Variants in DCC observed in about 807,000 individuals in gnomAD.
DCC encodes DCC netrin 1 receptor.
A neutral mutation model predicts 172.5 loss-of-function variants in DCC; 58 were observed. The observed-to-expected ratio is 0.34, with a 90% CI of 0.27 to 0.42. The LOEUF (loss-of-function observed/expected upper bound fraction) is 0.42, where lower values mean the gene tolerates loss of function less well. DCC is among the 10% of genes least tolerant of loss of function. The pLI is 1.00. For synonymous variants in DCC, 709 were observed against 644.5 expected (o/e 1.10, Z -1.52); for missense variants, 1,740 against 1,791.0 (o/e 0.97, Z 0.51).
chr18:53,058,243 A>G (rs1490185810), intron 5 of DCC, among the ~76,000 whole-genome samples: 3 of 152,174 alleles, frequency 2.0e-5, no homozygotes, highest in African/African-American at 4.8e-5. Context: ...AAGTAGAATT[A>G]GTTTAAGTAG....
At chr18:53,158,843 A>C (rs1158297183) in intron 8 of DCC, among the ~76,000 whole-genome samples, 2 of 151,840 alleles carry the variant, frequency 1.3e-5, no homozygotes, top group African/African-American at 4.8e-5. Context: ...AATACAAAAA[A>C]TTAGCTGGGC....
intron 1 of DCC, among the ~76,000 whole-genome samples, chr18:52,641,501 TCAAA>T (rs1328047392): frequency 6.6e-6 from 1 of 151,830 alleles, no homozygotes; most frequent in Non-Finnish European, 1.5e-5. Flanking sequence ...TACAATGAAC[TCAAA>T]CAAATCTGTA....
At chr18:53,149,992 A>G (rs2043974379) in intron 7 of DCC, among the ~76,000 whole-genome samples, 1 of 152,166 alleles carries the variant, frequency 6.6e-6, no homozygotes, top group Non-Finnish European at 1.5e-5. Context: ...TTTGCTTCTT[A>G]ATGAAAGCAT....
chr18:52,489,157 A>T (rs1011017892), intron 1 of DCC, among the ~76,000 whole-genome samples: 1 of 152,072 alleles, frequency 6.6e-6, no homozygotes, highest in Non-Finnish European at 1.5e-5. Context: ...TGATTCAGTA[A>T]GTTTGAGGTA....
intron 2 of DCC, among the ~76,000 whole-genome samples, chr18:52,804,971 T>C (rs2038060827): frequency 6.6e-6 from 1 of 152,076 alleles, no homozygotes; most frequent in Admixed American, 6.5e-5. Context: ...ACACAAACTT[T>C]ATATTTTCAT....
chr18:52,881,332 C>G (rs933473006), intron 2 of DCC, among the ~76,000 whole-genome samples: 12 of 151,754 alleles, frequency 7.9e-5, no homozygotes, highest in African/African-American at 2.9e-4. Flanking sequence ...TGTTCTTTGC[C>G]AAGCAGAAGC....
intron 1 of DCC, among the ~76,000 whole-genome samples, chr18:52,516,771 C>T (rs987099336): frequency 6.6e-5 from 10 of 152,138 alleles, no homozygotes; most frequent in Non-Finnish European, 1.3e-4. Flanking sequence ...CCTGGCTTCA[C>T]ATCAGATCTG....
chr18:52,340,391 G>T lies in DCC; in HGVS notation c.-397G>T. ...CCTCAACCTTTTAATGCACAGCCCG[G>T]CCACAGGATTGCCTTCCATCTCCTC... is the stretch of plus-strand genomic sequence containing the variant. On this transcript the variant is annotated 5_prime_UTR_variant, in exon 1 of 29. Coordinates refer to ENST00000442544, the MANE Select transcript of DCC (RefSeq NM_005215.4). The T allele has an allele frequency of 3.8e-6, 1 of 263,688 alleles. No homozygotes were observed. The highest frequency in any genetic ancestry group is 2.2e-5 in the African/African-American group (1 of 46,126). 16.3% of individuals were successfully genotyped at this position (263,688 alleles called of 1,614,324 possible).
intron 7 of DCC, among the ~76,000 whole-genome samples, chr18:53,099,500 G>A (rs1052757730): frequency 9.9e-5 from 15 of 152,066 alleles, no homozygotes; most frequent in African/African-American, 2.2e-4. Context: ...CAATTCTGCC[G>A]TTGCTAGTTT....
At chr18:52,830,432 C>T (rs750897044) in intron 2 of DCC, among the ~76,000 whole-genome samples, 5 of 152,106 alleles carry the variant, frequency 3.3e-5, no homozygotes, top group African/African-American at 7.2e-5. Flanking sequence ...CCTTTTCACT[C>T]AGAGTGAGGA....
intron 2 of DCC, among the ~76,000 whole-genome samples, chr18:52,784,961 G>C (rs941627599): frequency 1.3e-5 from 2 of 151,440 alleles, no homozygotes; most frequent in African/African-American, 4.9e-5. Context: ...CAGAGAGAGA[G>C]AGACATGTCC....
chr18:53,160,205 G>T (rs908967845), intron 8 of DCC, among the ~76,000 whole-genome samples: 2 of 151,940 alleles, frequency 1.3e-5, no homozygotes, highest in African/African-American at 4.8e-5. Context: ...TTGGCTACTT[G>T]CTGCCATGGT....
chr18:53,267,912 T>A (rs2056701165), intron 12 of DCC, among the ~76,000 whole-genome samples: 1 of 152,184 alleles, frequency 6.6e-6, no homozygotes, highest in Admixed American at 6.5e-5. Context: ...ACAGATTGAT[T>A]ACTTCTAAAG....
intron 5 of DCC, among the ~76,000 whole-genome samples, chr18:52,975,358 C>CT (rs911926043): frequency 6.6e-5 from 10 of 152,104 alleles, no homozygotes; most frequent in South Asian, 2.1e-4. Flanking sequence ...GGACTCTACT[C>CT]TTTTTTTAAC....
At chr18:52,497,715 A>G (rs1190821868) in intron 1 of DCC, among the ~76,000 whole-genome samples, 2 of 152,144 alleles carry the variant, frequency 1.3e-5, no homozygotes, top group African/African-American at 4.8e-5. Context: ...GATCTTATAT[A>G]ACATGGATCT....
At chr18:52,712,351 T>C (rs574219727) in intron 1 of DCC, among the ~76,000 whole-genome samples, 13 of 152,324 alleles carry the variant, frequency 8.5e-5, no homozygotes, top group Admixed American at 7.2e-4. Flanking sequence ...TATTGTAATA[T>C]ATTATTTGAC....
At chr18:52,351,751 TTATAGATTATTTTCTC>T (rs1984131450) in intron 1 of DCC, among the ~76,000 whole-genome samples, 1 of 152,218 alleles carries the variant, frequency 6.6e-6, no homozygotes. Flanking sequence ...TTTGGAGTTT[TTATAGATTATTTTCTC>T]AATATGATCC....
chr18:52,363,077 C>T (rs922920464), intron 1 of DCC, among the ~76,000 whole-genome samples: 3 of 152,104 alleles, frequency 2.0e-5, no homozygotes, highest in African/African-American at 7.2e-5. Flanking sequence ...GGGGTTTTGC[C>T]ATGTTGGCCA....
intron 15 of DCC, among the ~76,000 whole-genome samples, chr18:53,375,616 C>CTTTTTT (rs1555660824): frequency 8.1e-6 from 1 of 123,086 alleles, no homozygotes; most frequent in African/African-American, 3.5e-5. Context: ...ATATTTAATT[C>CTTTTTT]TTTTTTTTTT....
Sources: allele counts gnomAD v4.1 joint callset (sites outside exome capture counted in the v4.1 genomes callset), GRCh38; gene constraint gnomAD v4.1.1; transcripts MANE v1.5; gene names NCBI Gene and HGNC (gene_info 2026-07-23, HGNC 2026-07-21).